Variants in DIAPH1 observed in about 807,000 individuals in gnomAD.
The protein encoded by DIAPH1 is protein diaphanous homolog 1.
DIAPH1 carries 46 observed loss-of-function variants against 140.7 expected under a neutral mutation model. The ratio of observed to expected loss-of-function variants is 0.33; its 90% CI spans 0.26 to 0.42. The LOEUF (loss-of-function observed/expected upper bound fraction) is 0.42. Ranked by LOEUF, DIAPH1 falls within the 10% of genes least tolerant of loss-of-function variation. The pLI is 1.00. For missense variants in DIAPH1, 1,310 were observed against 1,558.7 expected (o/e 0.84, Z 2.69); for synonymous variants, 565 against 551.6 (o/e 1.02, Z -0.34).
chr5:141,553,976 G>A (rs552881527), intron 18 of DIAPH1, among the ~76,000 whole-genome samples: 1 of 152,140 alleles, frequency 6.6e-6, no homozygotes, highest in African/African-American at 2.4e-5. Flanking sequence ...TCAGGCTCAA[G>A]CATTAAGAGG....
At chr5:141,544,875 C>T (rs2099890548) in intron 18 of DIAPH1, among the ~76,000 whole-genome samples, 1 of 152,144 alleles carries the variant, frequency 6.6e-6, no homozygotes, top group South Asian at 2.1e-4. Flanking sequence ...ACCATATGAC[C>T]CAACAATCTC....
chr5:141,547,241 G>A (rs1428022030), intron 18 of DIAPH1, among the ~76,000 whole-genome samples: 8 of 152,176 alleles, frequency 5.3e-5, no homozygotes, highest in East Asian at 3.9e-4. Flanking sequence ...CAAGGCGGGC[G>A]GATCATGAGG....
chr5:141,579,170 G>C lies in DIAPH1; in HGVS notation c.851C>G (p.Thr284Arg), dbSNP rs2154596464. 6.2e-7 allele frequency: 1 copy of C among 1,614,136 alleles called. No homozygotes were observed. The highest frequency in any genetic ancestry group is 1.7e-5 in the Admixed American group (1 of 60,022). The change falls in exon 9 of 28, where the codon ACA becomes AGA. Residue 284 changes from threonine (T) to arginine (R), a missense_variant. Thr to Arg is a moderately conservative substitution (Grantham distance 71). Transcript: ENST00000389054. ...CACTTCATCCATCTCAGCTCTTTCT[G>C]TCATTGCCTCCAAAACCCTTTCATT... ...DMNERVLEAM[T>R]ERAEMDEVER...
At chr5:141,576,104 A>G (rs2099895932) in intron 14 of DIAPH1, 126 bp downstream of exon 14, 2 of 792,870 alleles carry the variant, frequency 2.5e-6, no homozygotes, top group Non-Finnish European at 4.4e-6. Context: ...TTCCCCTGGG[A>G]ACTACACTAT....
intron 18 of DIAPH1, chr5:141,560,733 A>G (rs562908026): frequency 2.5e-5 from 10 of 396,272 alleles, no homozygotes; most frequent in South Asian, 1.5e-4. Context: ...ACCATTCTCC[A>G]TAACAAAGGA....
rs764883573 is a variant in DIAPH1 at position 141,574,024 on chromosome 5, G to A, written c.1826C>T (p.Pro609Leu). Residue 609 changes from proline (P) to leucine (L), a missense_variant, in exon 16 of 28, where the codon CCT (proline) becomes CTT (leucine). By Grantham distance (98) the Pro-to-Leu change is moderately conservative (BLOSUM62 -3). This residue lies in a region of DIAPH1 where 589 missense variants were observed against 549.3 expected (regional missense o/e 1.07). Coordinates refer to ENST00000389054, the MANE Select transcript of DIAPH1 (RefSeq NM_005219.5). ...AGGAGGAGGAGGAGGAGGAGGAGGA[G>A]GAGGAGTGGTACTATCCCCAGGAGC... is the stretch of plus-strand genomic sequence containing the variant. ...PPAPGDSTTP[P>L]PPPPPPPPPP... 1.7e-5 allele frequency: 26 copies of A among 1,568,026 alleles called. 1 individual carries two copies. The Middle Eastern group carries it at 4.6e-3, about 279-fold the overall frequency.
At chr5:141,562,624 C>CAAAAAAAAAAAAAAAAAA (rs199841554) in intron 18 of DIAPH1, among the ~76,000 whole-genome samples, 1 of 139,546 alleles carries the variant, frequency 7.2e-6, no homozygotes, top group Non-Finnish European at 1.6e-5. Flanking sequence ...AAAAAACAAA[C>CAAAAAAAAAAAAAAAAAA]AAAAAAAAAC....
In DIAPH1 at chr5:141,524,214, C is replaced by G. The variant is rs1354335913; in HGVS notation, c.3590G>C (p.Gly1197Ala). ...IDMNAEGDET[G>A]VMDSLLEALQ... The stretch of plus-strand genomic sequence containing the variant: ...GGCTTCTAGAAGACTGTCCATCACA[C>G]CTGTCTCATCGCCCTCTGTTATAAA... Residue 1197 changes from glycine to alanine, a missense_variant, in exon 27 of 28, where the codon GGT becomes GCT. This residue lies in a region of DIAPH1 where 344 missense variants were observed against 512.2 expected (regional missense o/e 0.67). Transcript: ENST00000389054. 1 of 1,614,078 alleles carries G rather than the reference C, an allele frequency of 6.2e-7. No homozygotes were observed. Among genetic ancestry groups the G allele is most frequent in the Non-Finnish European group, 8.5e-7 (1 of 1,179,984 alleles).
chr5:141,553,218 G>A lies in DIAPH1; in HGVS notation c.2482+18210C>T, dbSNP rs577570177. Reference sequence around the variant, plus strand: ...GAGGCAGAAGAATTGCTTGAACCCAGGAGGTGGAGGTTGCAGTGAGCCAAG... The same window carrying A: ...GAGGCAGAAGAATTGCTTGAACCCAAGAGGTGGAGGTTGCAGTGAGCCAAG... On this transcript the variant is annotated intron_variant, in intron 18 of 27. Coordinates refer to ENST00000389054, the MANE Select transcript of DIAPH1 (RefSeq NM_005219.5). Among the ~76,000 whole-genome samples the A allele has an allele frequency of 3.9e-5, 6 of 152,290 alleles. No individual in the cohort carries two copies. In the East Asian group the frequency reaches 1.2e-3, roughly 29 times the overall value.
rs942994207 is a variant in DIAPH1, at chr5:141,518,756, C to T, written c.3662-1748G>A. ...TAGGCTGGTCTTGAACTCCTGGGCT[C>T]AAGCAATCCTCCCACCTTGGAACCT... On this transcript the variant is annotated intron_variant, in intron 27 of 27. Transcript: ENST00000389054. The T allele has an allele frequency of 1.1e-5, 7 of 638,608 alleles. No homozygotes were observed. In the Admixed American group the frequency reaches 1.8e-4, roughly 16 times the overall value. The allele number at this position is 638,608 out of a possible 1,614,324, so 39.6% of individuals were successfully genotyped here.
At position 141,588,251 on chromosome 5, in the gene DIAPH1, C is replaced by A; in HGVS notation, c.118-1G>T. ...CATCTGCCATGAGCCGCTTCAGAGT[C>A]TAGGAAACAGGAAAAAGGAGGGAGA... On this transcript the variant is annotated splice_acceptor_variant, in intron 1 of 27. Transcript: ENST00000389054. LOFTEE classifies it high-confidence loss of function. The A allele has an allele frequency of 6.2e-7, 1 of 1,611,542 alleles. No homozygotes were observed. The highest frequency in any genetic ancestry group is 8.5e-7 in the Non-Finnish European group (1 of 1,177,996).
rs1180042558 is a variant in DIAPH1, at chr5:141,526,968, T to C, written c.3274-507A>G. 3.3e-5 allele frequency among the ~76,000 whole-genome samples: 5 copies of C among 152,178 alleles called. No homozygotes were observed. In the East Asian group the frequency reaches 9.6e-4, roughly 29 times the overall value. On this transcript the variant is annotated intron_variant, in intron 24 of 27. Coordinates refer to ENST00000389054, the MANE Select transcript of DIAPH1 (RefSeq NM_005219.5). ...TTCTATAAATACTATTATGGAAACA[T>C]GGCCAAGACATATGTGCAAAACACA... is the stretch of plus-strand genomic sequence containing the variant.
intron 18 of DIAPH1, among the ~76,000 whole-genome samples, chr5:141,541,773 CAAAT>C (rs2099890018): frequency 1.3e-5 from 2 of 150,710 alleles, no homozygotes; most frequent in Admixed American, 6.6e-5. Flanking sequence ...AAGACAAAAG[CAAAT>C]AAATAAATAG....
rs948562773 is a variant in DIAPH1 at position 141,528,445 on chromosome 5, T to C, written c.3148+8A>G. 6.2e-7 allele frequency: 1 copy of C among 1,614,018 alleles called. No homozygotes were observed. The highest frequency in any genetic ancestry group is 1.3e-5 in the African/African-American group (1 of 74,916). On this transcript the variant is annotated splice_region_variant and intron_variant, in intron 23 of 27. Transcript: ENST00000389054. ...TTTGGGCTCTAGCTTCATTCCAAAC[T>C]GCCCCACCTCGGCTGGCTTTCTCCA...
At chr5:141,540,173 G>C (rs1251449801) in intron 18 of DIAPH1, among the ~76,000 whole-genome samples, 1 of 151,888 alleles carries the variant, frequency 6.6e-6, no homozygotes, top group Non-Finnish European at 1.5e-5. Context: ...CTAGAGCGCA[G>C]TGACATGATC....
chr5:141,588,290 A>G (rs752052296), intron 1 of DIAPH1, 40 bp from the exon 2 acceptor site: 2 of 1,545,260 alleles, frequency 1.3e-6, no homozygotes, highest in African/African-American at 1.4e-5. Flanking sequence ...AAGAAGAGAA[A>G]TCAGTGAAGT....
intron 18 of DIAPH1, among the ~76,000 whole-genome samples, chr5:141,548,281 A>T (rs565796427): frequency 1.7e-3 from 153 of 92,320 alleles, no homozygotes; most frequent in African/African-American, 5.6e-3. Context: ...GGAATTCTTT[A>T]AAAAAAAAAA....
At position 141,579,106 on chromosome 5, in the gene DIAPH1, T is replaced by G; in HGVS notation, c.915A>C (p.Gly305=). Residue 305 remains glycine (G), a synonymous_variant, in exon 9 of 28, where the codon GGA becomes GGC. Coordinates refer to ENST00000389054, the MANE Select transcript of DIAPH1 (RefSeq NM_005219.5). ...TACATGCCTTCAGTGCAATAGTGGT[T>G]CCACTTTTTAATCCATCCAGCAGCG... ...FQPLLDGLKS[G]TTIALKVGCL... is the part of the protein sequence containing the mutation. 6.2e-7 allele frequency: 1 copy of G among 1,613,952 alleles called. No homozygotes were observed. Among genetic ancestry groups the G allele is most frequent in the South Asian group, 1.1e-5 (1 of 91,078 alleles).
chr5:141,568,343 A>G (rs1346405894), intron 18 of DIAPH1, among the ~76,000 whole-genome samples: 1 of 152,218 alleles, frequency 6.6e-6, no homozygotes, highest in African/African-American at 2.4e-5. Flanking sequence ...AGAAATTCAA[A>G]AAGAGTCAAC....
Sources: allele counts gnomAD v4.1 joint callset (sites outside exome capture counted in the v4.1 genomes callset), GRCh38; gene constraint gnomAD v4.1.1; regional missense constraint gnomAD v4.1.1; transcripts MANE v1.5; gene names NCBI Gene and HGNC (gene_info 2026-07-23, HGNC 2026-07-21).